Variants in PITPNB observed in about 807,000 individuals in gnomAD.
PITPNB encodes phosphatidylinositol transfer protein beta isoform.
Under a neutral mutation model 45.9 loss-of-function variants are expected in PITPNB, and 16 were observed. The observed-to-expected ratio is 0.35, with a 90% CI of 0.24 to 0.53. PITPNB has a LOEUF of 0.53. PITPNB is among the 20% of genes least tolerant of loss of function. PITPNB has a pLI of 0.93. For missense variants in PITPNB, 188 were observed against 330.5 expected, an observed-to-expected ratio of 0.57 and a Z score of 3.34; for synonymous variants, 112 against 108.9, an observed-to-expected ratio of 1.03 and a Z score of -0.18.
intron 1 of PITPNB, among the ~76,000 whole-genome samples, chr22:27,918,754 AC>A (rs1236607701): frequency 6.6e-6 from 1 of 151,758 alleles, no homozygotes; most frequent in East Asian, 1.9e-4. Flanking sequence ...AGGGGACTCC[AC>A]CCCGGACGAC....
intron 3 of PITPNB, among the ~76,000 whole-genome samples, chr22:27,907,662 G>C (rs532427512): frequency 1.1e-3 from 162 of 152,042 alleles, no homozygotes; most frequent in African/African-American, 3.5e-3. Context: ...CCTTCTATGG[G>C]AATCAACCCT....
At chr22:27,917,084 C>T (rs1936102459) in intron 1 of PITPNB, among the ~76,000 whole-genome samples, 1 of 152,202 alleles carries the variant, frequency 6.6e-6, no homozygotes, top group Non-Finnish European at 1.5e-5. Flanking sequence ...GGGAGATACA[C>T]ATGAAGAGTT....
chr22:27,866,459 G>A (rs977713527), intron 8 of PITPNB, among the ~76,000 whole-genome samples: 1 of 152,196 alleles, frequency 6.6e-6, no homozygotes, highest in East Asian at 1.9e-4. Context: ...AACTGGAGGA[G>A]TGAGCAATCA....
Position 27,853,084 on chromosome 22 carries a change from ATACATT to A in PITPNB, c.*612_*617del, listed in dbSNP as rs1489603910. 1 of 152,644 alleles carries A rather than the reference ATACATT, an allele frequency of 6.6e-6. No individual in the cohort carries two copies. The highest frequency in any genetic ancestry group is 1.5e-5 in the Non-Finnish European group (1 of 68,088). The allele number at this position is 152,644 out of a possible 1,614,324, so 9.5% of individuals were successfully genotyped here. On this transcript the variant is annotated 3_prime_UTR_variant, in exon 12 of 12. Coordinates refer to ENST00000335272, the MANE Select transcript of PITPNB (RefSeq NM_012399.5). ...ACCATCCAGAAATAAATAGTTATAA[ATACATT>A]CAGAGTTTACATCCCAGATTCATTG...
Position 27,901,247 on chromosome 22 carries a change from T to G in PITPNB, c.198-3355A>C, listed in dbSNP as rs529930971. ...AATAGTACTTTAAGACTATTTAACTTCAGGGTAAAATATGACCATAAGGTA... is the reference window on the plus strand; with the variant it reads ...AATAGTACTTTAAGACTATTTAACTGCAGGGTAAAATATGACCATAAGGTA... On this transcript the variant is annotated intron_variant, in intron 3 of 11. Transcript: ENST00000335272. 1.1e-3 allele frequency among the ~76,000 whole-genome samples: 173 copies of G among 152,312 alleles called. 7 individuals are homozygous for G. In the South Asian group the frequency reaches 0.035, roughly 30 times the overall value.
intron 7 of PITPNB, among the ~76,000 whole-genome samples, chr22:27,876,121 C>T (rs145702251): frequency 6.6e-6 from 1 of 152,322 alleles, no homozygotes; most frequent in Non-Finnish European, 1.5e-5. Flanking sequence ...TGGTAGGGCT[C>T]ACCTACCCCA....
intron 3 of PITPNB, among the ~76,000 whole-genome samples, chr22:27,900,106 G>A (rs1345883411): frequency 6.6e-6 from 1 of 151,954 alleles, no homozygotes; most frequent in African/African-American, 2.4e-5. Context: ...GGGACACTGA[G>A]GCTGAATTGC....
At chr22:27,910,447 T>C (rs1055763786) in intron 3 of PITPNB, 1 of 152,544 alleles carries the variant, frequency 6.6e-6, no homozygotes, top group Non-Finnish European at 1.5e-5. Flanking sequence ...AATACCTAAA[T>C]GGACTTACAA....
intron 1 of PITPNB, among the ~76,000 whole-genome samples, chr22:27,915,648 T>A (rs1275679632): frequency 6.6e-6 from 1 of 152,174 alleles, no homozygotes; most frequent in South Asian, 2.1e-4. Context: ...ATGAACACTC[T>A]CAAATCCACA....
chr22:27,909,207 CTTTTTTTTTTTT>C lies in PITPNB; in HGVS notation c.197+1745_197+1756del, dbSNP rs34224616. Among the ~76,000 whole-genome samples, 5 of 82,244 alleles carry C rather than the reference CTTTTTTTTTTTT, an allele frequency of 6.1e-5. 1 individual carries two copies. In the South Asian group the frequency reaches 2.2e-3, roughly 37 times the overall value. The allele number at this position is 82,244 out of a possible 152,430, so 54.0% of individuals were successfully genotyped here. ...TGCCCTTAGATAAATACTGGTAGTA[CTTTTTTTTTTTT>C]TTTTTTTTTTGGCTTGTTTCTTCTT... On this transcript the variant is annotated intron_variant, in intron 3 of 11. Transcript: ENST00000335272.
intron 7 of PITPNB, among the ~76,000 whole-genome samples, chr22:27,877,625 A>G (rs1017716818): frequency 6.6e-6 from 1 of 152,228 alleles, no homozygotes; most frequent in South Asian, 2.1e-4. Flanking sequence ...GAATACAAAG[A>G]ATATTAGTTT....
At chr22:27,869,689 CAAGAGACGA>C (rs1934595551) in intron 8 of PITPNB, among the ~76,000 whole-genome samples, 1 of 152,114 alleles carries the variant, frequency 6.6e-6, no homozygotes, top group Non-Finnish European at 1.5e-5. Flanking sequence ...TCAGCAACCC[CAAGAGACGA>C]AAGACAAAAG....
intron 7 of PITPNB, among the ~76,000 whole-genome samples, chr22:27,881,932 T>C (rs1934986773): frequency 6.6e-6 from 1 of 152,234 alleles, no homozygotes; most frequent in Admixed American, 6.5e-5. Context: ...CATCATTCTT[T>C]TTCATTTTGA....
intron 3 of PITPNB, among the ~76,000 whole-genome samples, chr22:27,898,247 T>C (rs989299250): frequency 6.6e-6 from 1 of 152,012 alleles, no homozygotes; most frequent in African/African-American, 2.4e-5. Context: ...TGGTGGCACA[T>C]GCCTGTAGCC....
At chr22:27,873,930 C>A in intron 7 of PITPNB, 115 bp from the exon 8 acceptor site, 1 of 684,844 alleles carries the variant, frequency 1.5e-6, no homozygotes, top group South Asian at 1.6e-5. Flanking sequence ...ATTAGACTCA[C>A]TGTGCTTTTG....
In PITPNB at chr22:27,907,789, C is replaced by T. The variant is rs556365064; in HGVS notation, c.197+3175G>A. Among the ~76,000 whole-genome samples the T allele has an allele frequency of 2.0e-5, 3 of 152,204 alleles. No homozygotes were observed. The South Asian group carries it at 6.2e-4, about 32-fold the overall frequency. On this transcript the variant is annotated intron_variant, in intron 3 of 11. Transcript: ENST00000335272. ...ATCAGAGCACCTAGGTCTCTGTCAC[C>T]ATTCTGTCACTTATTAGCTGTGACC...
intron 8 of PITPNB, among the ~76,000 whole-genome samples, chr22:27,862,967 A>T (rs1243950829): frequency 1.3e-5 from 2 of 152,180 alleles, no homozygotes; most frequent in Admixed American, 1.3e-4. Context: ...CTTCCATAAG[A>T]CACAGCTAGC....
intron 8 of PITPNB, among the ~76,000 whole-genome samples, chr22:27,868,914 C>T (rs1934562452): frequency 6.6e-6 from 1 of 152,138 alleles, no homozygotes. Flanking sequence ...AAGCTTAAAT[C>T]TTCAAGAGGT....
At chr22:27,903,255 A>T (rs1220814437) in intron 3 of PITPNB, among the ~76,000 whole-genome samples, 1 of 151,994 alleles carries the variant, frequency 6.6e-6, no homozygotes, top group African/African-American at 2.4e-5. Flanking sequence ...AGATCACCTG[A>T]GGTCAGGAGT....
Sources: allele counts gnomAD v4.1 joint callset (sites outside exome capture counted in the v4.1 genomes callset), GRCh38; gene constraint gnomAD v4.1.1; transcripts MANE v1.5; gene names NCBI Gene and HGNC (gene_info 2026-07-23, HGNC 2026-07-21).